NTM: variants seen among roughly 807,000 people sequenced by gnomAD.
The protein encoded by NTM is IgLON family member 2.
In NTM, 13 loss-of-function variants were observed where a neutral mutation model predicts 42.1. The ratio of observed to expected loss-of-function variants is 0.31; its 90% CI spans 0.20 to 0.49. The LOEUF is 0.49. Ranked by LOEUF, NTM falls within the 20% of genes least tolerant of loss-of-function variation. The pLI, the probability that NTM is intolerant of heterozygous loss-of-function variation, is 0.99. For synonymous variants in NTM, 187 were observed against 179.2 expected (o/e 1.04, Z -0.35); for missense variants, 373 against 452.8 (o/e 0.82, Z 1.60).
intron 4 of NTM, among the ~76,000 whole-genome samples, chr11:132,299,650 A>G (rs888777712): frequency 7.2e-5 from 11 of 152,284 alleles, no homozygotes; most frequent in African/African-American, 2.6e-4. Context: ...CTCTTATATG[A>G]TGGGAACCAC....
intron 1 of NTM, among the ~76,000 whole-genome samples, chr11:131,508,008 T>C (rs1307647646): frequency 2.0e-5 from 3 of 151,958 alleles, no homozygotes; most frequent in East Asian, 1.9e-4. Context: ...CAAAAAGCAA[T>C]GGCAACAAAA....
intron 5 of NTM, 143 bp from the exon 6 acceptor site, chr11:132,309,969 T>G (rs947686224): frequency 1.0e-6 from 1 of 963,258 alleles, no homozygotes. Flanking sequence ...TGCAGGAGAA[T>G]TGCTTGAACC....
At chr11:132,138,563 A>AATCTATCT (rs6144568) in intron 2 of NTM, among the ~76,000 whole-genome samples, 32 of 127,178 alleles carry the variant, frequency 2.5e-4, no homozygotes, top group African/African-American at 5.5e-4. Flanking sequence ...TTTTCAACAG[A>AATCTATCT]ATCTATCTAT....
intron 2 of NTM, among the ~76,000 whole-genome samples, chr11:131,970,753 G>C (rs1395013352): frequency 1.3e-5 from 2 of 152,178 alleles, no homozygotes; most frequent in Non-Finnish European, 2.9e-5. Context: ...TGAGGGTTGA[G>C]TTAATCACAT....
At chr11:131,583,964 T>C (rs2058635980) in intron 1 of NTM, among the ~76,000 whole-genome samples, 1 of 152,126 alleles carries the variant, frequency 6.6e-6, no homozygotes, top group Admixed American at 6.5e-5. Flanking sequence ...AGAATGAAGC[T>C]CTCTCCTCCT....
At chr11:131,973,033 TA>T (rs891537635) in intron 2 of NTM, among the ~76,000 whole-genome samples, 38 of 152,312 alleles carry the variant, frequency 2.5e-4, no homozygotes, top group Admixed American at 2.0e-3. Context: ...TTTACTTAAG[TA>T]AAGAAAAGAT....
At chr11:131,851,735 T>G (rs1385307157) in intron 1 of NTM, among the ~76,000 whole-genome samples, 1 of 152,126 alleles carries the variant, frequency 6.6e-6, no homozygotes, top group Non-Finnish European at 1.5e-5. Flanking sequence ...GGTAGTGAAC[T>G]GCTTGAGGGT....
At chr11:131,504,201 C>T (rs2047197613) in intron 1 of NTM, among the ~76,000 whole-genome samples, 1 of 152,196 alleles carries the variant, frequency 6.6e-6, no homozygotes, top group South Asian at 2.1e-4. Context: ...CTGTCCTCAC[C>T]CTTCCTATCT....
intron 1 of NTM, among the ~76,000 whole-genome samples, chr11:131,828,855 T>C (rs1228460654): frequency 6.6e-6 from 1 of 152,212 alleles, no homozygotes; most frequent in African/African-American, 2.4e-5. Context: ...CTTTATTCAG[T>C]GCAATTGATC....
intron 3 of NTM, among the ~76,000 whole-genome samples, chr11:132,150,175 A>T (rs2071531700): frequency 6.6e-6 from 1 of 152,180 alleles, no homozygotes; most frequent in Non-Finnish European, 1.5e-5. Flanking sequence ...AAAAAGCCAG[A>T]GACAGCAGGG....
intron 4 of NTM, among the ~76,000 whole-genome samples, chr11:132,216,915 C>T (rs2083973360): frequency 6.6e-6 from 1 of 152,324 alleles, no homozygotes; most frequent in Non-Finnish European, 1.5e-5. Context: ...CCAAGCCTTT[C>T]CTGAAGTCCC....
intron 2 of NTM, among the ~76,000 whole-genome samples, chr11:132,104,135 T>C (rs1434343789): frequency 1.3e-5 from 2 of 152,180 alleles, no homozygotes; most frequent in Non-Finnish European, 2.9e-5. Context: ...ACCTAGGATG[T>C]GTTTGTTGCA....
intron 1 of NTM, among the ~76,000 whole-genome samples, chr11:131,579,601 A>C (rs2058224124): frequency 1.3e-5 from 2 of 152,112 alleles, no homozygotes; most frequent in Admixed American, 1.3e-4. Flanking sequence ...TGGGAGGAAG[A>C]CCTCTTACAG....
At chr11:132,220,403 G>T (rs2138841211) in intron 4 of NTM, among the ~76,000 whole-genome samples, 1 of 152,282 alleles carries the variant, frequency 6.6e-6, no homozygotes, top group African/African-American at 2.4e-5. Context: ...GGTAAAATTT[G>T]CCAGTGTCAA....
chr11:131,516,832 C>T (rs576236764), intron 1 of NTM, among the ~76,000 whole-genome samples: 1 of 152,326 alleles, frequency 6.6e-6, no homozygotes, highest in South Asian at 2.1e-4. Context: ...GTTTCACTCT[C>T]ATCCTTAGTG....
intron 2 of NTM, among the ~76,000 whole-genome samples, chr11:131,994,600 T>G (rs551116978): frequency 1.3e-5 from 2 of 152,240 alleles, no homozygotes; most frequent in East Asian, 3.9e-4. Flanking sequence ...TCTTGTCTGT[T>G]TTTTTATATG....
At chr11:132,060,208 C>A (rs1318230229) in intron 2 of NTM, among the ~76,000 whole-genome samples, 3 of 152,212 alleles carry the variant, frequency 2.0e-5, no homozygotes, top group Non-Finnish European at 4.4e-5. Context: ...ATACATCCAC[C>A]CCCTGGGCTT....
intron 2 of NTM, among the ~76,000 whole-genome samples, chr11:132,004,496 G>A (rs554932402): frequency 3.3e-5 from 5 of 152,152 alleles, no homozygotes; most frequent in African/African-American, 9.6e-5. Context: ...ATATCTTTGT[G>A]CTACTTTATT....
At chr11:131,689,982 A>G (rs1420646352) in intron 1 of NTM, among the ~76,000 whole-genome samples, 1 of 152,196 alleles carries the variant, frequency 6.6e-6, no homozygotes, top group Non-Finnish European at 1.5e-5. Flanking sequence ...TGTGTTGGCA[A>G]TGACAGCAGA....
Sources: gnomAD v4.1 joint callset for allele counts (sites outside exome capture counted in the v4.1 genomes callset) on GRCh38, gnomAD v4.1.1 for gene constraint, MANE v1.5 for transcripts, NCBI Gene and HGNC (gene_info 2026-07-23, HGNC 2026-07-21) for gene names.